The following SUSD4 variants were observed in gnomAD, a reference collection of about 807,000 sequenced individuals.
The protein encoded by SUSD4 is sushi domain-containing protein 4.
A neutral mutation model predicts 50.5 loss-of-function variants in SUSD4; 41 were observed. The ratio of observed to expected loss-of-function variants is 0.81; its 90% CI spans 0.63 to 1.05. The LOEUF (loss-of-function observed/expected upper bound fraction) is 1.05, where lower values mean the gene tolerates loss of function less well. SUSD4 is among the 50% of genes least tolerant of loss of function. The pLI is 0.00. For missense variants in SUSD4, 580 were observed against 634.7 expected (o/e 0.91, Z 0.93); for synonymous variants, 257 against 257.3 (o/e 1.00, Z 0.01).
rs825123 is a variant in SUSD4, at chr1:223,310,954, T to G, written c.149-18303A>C. Among the ~76,000 whole-genome samples the G allele has an allele frequency of 9.9e-5, 15 of 152,096 alleles. No homozygotes were observed. In the South Asian group the frequency reaches 1.9e-3, roughly 19 times the overall value. The stretch of plus-strand genomic sequence containing the variant: ...AACATAATGTCCCTTTAGTGCCCCC[T>G]CTAAATCATCTCCCTGCCTGAGAAG... On this transcript the variant is annotated intron_variant, in intron 2 of 8. Transcript: ENST00000366878.
chr1:223,355,544 T>A (rs1209271091), intron 2 of SUSD4, among the ~76,000 whole-genome samples: 1 of 152,086 alleles, frequency 6.6e-6, no homozygotes, highest in Non-Finnish European at 1.5e-5. Context: ...TTAAAAAGAA[T>A]CTCCCTCCTC....
chr1:223,339,737 T>C (rs1452875900), intron 2 of SUSD4, among the ~76,000 whole-genome samples: 4 of 152,126 alleles, frequency 2.6e-5, no homozygotes, highest in Non-Finnish European at 5.9e-5. Flanking sequence ...TCCCTAGAGA[T>C]TTCTGAGGCA....
intron 2 of SUSD4, among the ~76,000 whole-genome samples, chr1:223,321,515 T>C (rs536457683): frequency 9.2e-5 from 14 of 152,370 alleles, no homozygotes; most frequent in African/African-American, 3.1e-4. Context: ...CCCAGTGCCC[T>C]TCATCTCTTC....
In SUSD4 at chr1:223,363,283, G is replaced by T. The variant is rs1030403594; in HGVS notation, c.143C>A (p.Thr48Lys). 1 of 1,597,062 alleles carries T rather than the reference G, an allele frequency of 6.3e-7. No individual in the cohort carries two copies. Among genetic ancestry groups the T allele is most frequent in the East Asian group, 2.2e-5 (1 of 44,556 alleles). Residue 48 changes from threonine to lysine, a missense_variant, in exon 2 of 9, where the codon ACG becomes AAG. Transcript: ENST00000366878. Reference sequence around the variant, plus strand: ...ACCACAGCTGGGTCACTCACCGCCCGTGAGCTGTGCAGGGCCGAAGCACAG... The same window carrying T: ...ACCACAGCTGGGTCACTCACCGCCCTTGAGCTGTGCAGGGCCGAAGCACAG... ...LALCFGPAQL[T>K]GGFDDLQVCA...
In SUSD4 at chr1:223,231,745, C is replaced by T. The variant is rs552646076; in HGVS notation, c.725-2357G>A. On this transcript the variant is annotated intron_variant, in intron 5 of 8. Transcript: ENST00000366878. The surrounding 1 kb of genome is among the most constrained non-coding windows in gnomAD (Gnocchi z 4.2). ...TTGGAGGCCCTCCTCCGTGCTGCTT[C>T]TCCTCTACTCAATTCCTGGTTCTTC... 3.9e-5 allele frequency among the ~76,000 whole-genome samples: 6 copies of T among 152,334 alleles called. No homozygotes were observed. Among genetic ancestry groups the T allele is most frequent in the Admixed American group, 3.3e-4 (5 of 15,312 alleles).
In SUSD4 at chr1:223,351,309, T is replaced by A. The variant is rs1668353063; in HGVS notation, c.148+11969A>T. On this transcript the variant is annotated intron_variant, in intron 2 of 8. Coordinates refer to ENST00000366878, the MANE Select transcript of SUSD4 (RefSeq NM_017982.4). The stretch of plus-strand genomic sequence containing the variant: ...TGAAAGGATATGAGGGAGCACAACA[T>A]CTAAAGTAGGGGCACAGTCAAGTGG... Among the ~76,000 whole-genome samples the A allele has an allele frequency of 2.0e-5, 3 of 152,282 alleles. No individual in the cohort carries two copies. In the South Asian group the frequency reaches 6.2e-4, roughly 32 times the overall value.
intron 2 of SUSD4, among the ~76,000 whole-genome samples, chr1:223,322,234 C>G (rs1666615205): frequency 1.3e-5 from 2 of 152,204 alleles, no homozygotes. Context: ...GCTCAGCTTA[C>G]TCTAGTCAAT....
At chr1:223,260,261 A>G (rs1317190746) in intron 5 of SUSD4, among the ~76,000 whole-genome samples, 2 of 152,242 alleles carry the variant, frequency 1.3e-5, no homozygotes, top group African/African-American at 4.8e-5. Context: ...CTTCAAAAGA[A>G]GGAATTATGT....
At chr1:223,346,273 C>T (rs1031137829) in intron 2 of SUSD4, among the ~76,000 whole-genome samples, 11 of 152,118 alleles carry the variant, frequency 7.2e-5, no homozygotes, top group African/African-American at 1.7e-4. Flanking sequence ...CATGCTCCTC[C>T]GTTCAGAAAC....
At chr1:223,344,596 C>T (rs1326334207) in intron 2 of SUSD4, among the ~76,000 whole-genome samples, 2 of 152,016 alleles carry the variant, frequency 1.3e-5, no homozygotes, top group Non-Finnish European at 2.9e-5. Context: ...GGACAATGTT[C>T]GCTTTCCTTA....
At chr1:223,355,581 G>A (rs1668617438) in intron 2 of SUSD4, among the ~76,000 whole-genome samples, 1 of 151,966 alleles carries the variant, frequency 6.6e-6, no homozygotes, top group Non-Finnish European at 1.5e-5. Context: ...AACCACATAT[G>A]TATTTTATAA....
intron 2 of SUSD4, among the ~76,000 whole-genome samples, chr1:223,314,541 C>A (rs916962641): frequency 6.6e-5 from 10 of 152,102 alleles, no homozygotes; most frequent in African/African-American, 2.2e-4. Context: ...GCTGTGTCCC[C>A]ATCCAAATCT....
Position 223,264,711 on chromosome 1 carries a change from T to G in SUSD4, c.643A>C (p.Lys215Gln). Residue 215 changes from lysine to glutamine, a missense_variant, in exon 5 of 9, where the codon AAA becomes CAA. Lys to Gln is a moderately conservative substitution (Grantham distance 53). Transcript: ENST00000366878. The part of the protein sequence containing the change: ...VISYRCFPGF[K>Q]LDGSAYLECL... ...TCAAGATACGCAGACCCATCAAGTT[T>G]AAATCCGGGAAAGCAGCGATAGGAG... 6.2e-7 allele frequency: 1 copy of G among 1,614,222 alleles called. No homozygotes were observed. Among genetic ancestry groups the G allele is most frequent in the African/African-American group, 1.3e-5 (1 of 75,052 alleles).
At chr1:223,277,888 C>A (rs1663392495) in intron 3 of SUSD4, among the ~76,000 whole-genome samples, 2 of 152,180 alleles carry the variant, frequency 1.3e-5, no homozygotes, top group African/African-American at 4.8e-5. Context: ...TCCCTTCTTA[C>A]AAAGCAATAT....
intron 5 of SUSD4, among the ~76,000 whole-genome samples, chr1:223,234,010 G>A (rs867579628): frequency 5.3e-5 from 8 of 152,196 alleles, no homozygotes; most frequent in African/African-American, 1.7e-4. Context: ...TCATGACAGA[G>A]GGTTACGGCT....
At chr1:223,284,646 T>C (rs1179214705) in intron 3 of SUSD4, among the ~76,000 whole-genome samples, 1 of 152,204 alleles carries the variant, frequency 6.6e-6, no homozygotes, top group Non-Finnish European at 1.5e-5. Context: ...GAAACTGTGG[T>C]ACATAAATGC....
At chr1:223,251,678 G>A (rs1661321455) in intron 5 of SUSD4, among the ~76,000 whole-genome samples, 1 of 152,194 alleles carries the variant, frequency 6.6e-6, no homozygotes, top group Non-Finnish European at 1.5e-5. Context: ...TTGGTTCCAA[G>A]TATTTGCTAT....
chr1:223,249,602 C>A (rs1272979449), intron 5 of SUSD4, among the ~76,000 whole-genome samples: 3 of 152,136 alleles, frequency 2.0e-5, no homozygotes, highest in Non-Finnish European at 2.9e-5. Flanking sequence ...TTGTTCCTAG[C>A]TATGCTTCAG....
intron 5 of SUSD4, chr1:223,230,692 G>C (rs980804041): frequency 6.6e-6 from 1 of 152,176 alleles, no homozygotes; most frequent in African/African-American, 2.4e-5. Flanking sequence ...GATCTTGTTG[G>C]TTCTTTCAGA....
Sources: allele counts gnomAD v4.1 joint callset (sites outside exome capture counted in the v4.1 genomes callset), GRCh38; gene constraint gnomAD v4.1.1; non-coding constraint Gnocchi (gnomAD v3.1); transcripts MANE v1.5; gene names NCBI Gene and HGNC (gene_info 2026-07-23, HGNC 2026-07-21).